PAM: variants seen among roughly 807,000 people sequenced by gnomAD.
PAM encodes peptidylglycine alpha-amidating monooxygenase, also known as peptidyl-glycine alpha-amidating monooxygenase.
In PAM, 72 loss-of-function variants were observed where a neutral mutation model predicts 122.1. The observed-to-expected ratio is 0.59, with a 90% CI of 0.49 to 0.72. The LOEUF is 0.72. PAM is among the 30% of genes least tolerant of loss of function. The pLI, the probability that PAM is intolerant of heterozygous loss-of-function variation, is 0.00. For missense variants in PAM, 1,106 were observed against 1,183.7 expected (o/e 0.93, Z 0.96); for synonymous variants, 389 against 404.4 (o/e 0.96, Z 0.46).
At chr5:102,969,458 A>G (rs982867028) in intron 14 of PAM, among the ~76,000 whole-genome samples, 1 of 152,116 alleles carries the variant, frequency 6.6e-6, no homozygotes, top group Non-Finnish European at 1.5e-5. Flanking sequence ...TTTGTCATCC[A>G]GAGCAGAGAT....
At position 103,014,779 on chromosome 5, in the gene PAM, G is replaced by A. The variant is rs1435511021; in HGVS notation, c.2332-2555G>A. On this transcript the variant is annotated intron_variant, in intron 21 of 25. Transcript: ENST00000438793. ...GAAGCTTAGACAGTAGGACAATAAAGAAAATGGTTCTATCAAATGCTATCA... is the reference window on the plus strand; with the variant it reads ...GAAGCTTAGACAGTAGGACAATAAAAAAAATGGTTCTATCAAATGCTATCA... Among the ~76,000 whole-genome samples, 4 of 152,232 alleles carry A rather than the reference G, an allele frequency of 2.6e-5. No homozygotes were observed. The East Asian group carries it at 7.7e-4, about 29-fold the overall frequency.
intron 1 of PAM, among the ~76,000 whole-genome samples, chr5:102,762,077 T>G (rs145810901): frequency 6.6e-6 from 1 of 152,226 alleles, no homozygotes; most frequent in African/African-American, 2.4e-5. Context: ...AAATGTCTTT[T>G]TCTTTTAATT....
At chr5:103,007,350 C>A in intron 19 of PAM, 107 bp from the exon 20 acceptor site, 2 of 851,010 alleles carry the variant, frequency 2.4e-6, no homozygotes, top group South Asian at 1.5e-5. Flanking sequence ...TTTCCCCTGG[C>A]TCCAGGCATT....
intron 1 of PAM, among the ~76,000 whole-genome samples, chr5:102,848,531 C>A (rs1780532571): frequency 6.6e-6 from 1 of 152,212 alleles, no homozygotes; most frequent in South Asian, 2.1e-4. Context: ...TCCTCCAGAG[C>A]AGCACCAGAC....
At chr5:102,963,611 A>C (rs970553844) in intron 14 of PAM, among the ~76,000 whole-genome samples, 1 of 151,908 alleles carries the variant, frequency 6.6e-6, no homozygotes, top group Non-Finnish European at 1.5e-5. Context: ...GCCACAAGCT[A>C]ACAGACACCA....
intron 15 of PAM, among the ~76,000 whole-genome samples, chr5:102,977,132 G>A (rs562979802): frequency 2.0e-5 from 3 of 152,256 alleles, no homozygotes; most frequent in South Asian, 4.1e-4. Flanking sequence ...GGGTTCAAAG[G>A]TGAAATTAAT....
chr5:102,822,644 C>T lies in PAM; in HGVS notation c.-373-43179C>T, dbSNP rs112849295. Among the ~76,000 whole-genome samples, 341 of 152,138 alleles carry T rather than the reference C, an allele frequency of 2.2e-3. 1 individual carries two copies. The highest frequency in any genetic ancestry group is 7.6e-3 in the African/African-American group (317 of 41,518). On this transcript the variant is annotated intron_variant, in intron 1 of 25. Coordinates refer to ENST00000438793, the MANE Select transcript of PAM (RefSeq NM_001177306.2). ...CTGCTATACTCTGGTGTTATTAAAA[C>T]AGACCCAGTTCCCAGAACTGCCCTA...
At chr5:102,914,091 G>C in intron 5 of PAM, 70 bp downstream of exon 5, 2 of 804,036 alleles carry the variant, frequency 2.5e-6, no homozygotes, top group South Asian at 2.9e-5. Context: ...GTGTATCTGT[G>C]CAAGTATTTT....
At chr5:102,864,328 G>A (rs1433713944) in intron 1 of PAM, among the ~76,000 whole-genome samples, 1 of 151,834 alleles carries the variant, frequency 6.6e-6, no homozygotes, top group Admixed American at 6.6e-5. Context: ...TTTACCCACA[G>A]GATAAGGATA....
chr5:102,976,513 T>C (rs1767727174), intron 15 of PAM, among the ~76,000 whole-genome samples: 2 of 152,062 alleles, frequency 1.3e-5, no homozygotes, highest in Admixed American at 1.3e-4. Flanking sequence ...GAGAATAAAT[T>C]TGATGGATAA....
At chr5:102,839,837 CATT>C (rs566040368) in intron 1 of PAM, among the ~76,000 whole-genome samples, 23 of 152,144 alleles carry the variant, frequency 1.5e-4, no homozygotes, top group East Asian at 9.7e-4. Flanking sequence ...AGTGTCCTGT[CATT>C]ATAAAAACTC....
chr5:102,950,416 GGTGTGT>G (rs1554134180), intron 11 of PAM, among the ~76,000 whole-genome samples: 18 of 145,964 alleles, frequency 1.2e-4, no homozygotes, highest in African/African-American at 4.6e-4. Flanking sequence ...TATGTGGGTG[GGTGTGT>G]GTGTGTGTGT....
chr5:102,819,337 G>T (rs1580523280), intron 1 of PAM, among the ~76,000 whole-genome samples: 2 of 152,078 alleles, frequency 1.3e-5, no homozygotes, highest in East Asian at 3.9e-4. Flanking sequence ...GTGAAAATGA[G>T]CAGGGTGTCA....
chr5:102,829,803 T>C (rs2150413298), intron 1 of PAM, among the ~76,000 whole-genome samples: 1 of 152,324 alleles, frequency 6.6e-6, no homozygotes, highest in South Asian at 2.1e-4. Context: ...GAAAGAATGG[T>C]TTATCTTTCT....
intron 4 of PAM, among the ~76,000 whole-genome samples, chr5:102,901,684 A>G (rs1797945055): frequency 6.6e-6 from 1 of 151,560 alleles, no homozygotes; most frequent in Admixed American, 6.6e-5. Context: ...CCATTTGTAT[A>G]GTATTGGCTT....
At chr5:102,976,518 G>A (rs572786005) in intron 15 of PAM, among the ~76,000 whole-genome samples, 1 of 151,990 alleles carries the variant, frequency 6.6e-6, no homozygotes, top group South Asian at 2.1e-4. Flanking sequence ...TAAATTTGAT[G>A]GATAATTTTC....
At chr5:102,832,773 G>A (rs1209199793) in intron 1 of PAM, among the ~76,000 whole-genome samples, 1 of 152,082 alleles carries the variant, frequency 6.6e-6, no homozygotes, top group Admixed American at 6.6e-5. Flanking sequence ...ATATTCACAT[G>A]AAATGTGATA....
chr5:102,919,232 G>A (rs778189793), intron 5 of PAM, among the ~76,000 whole-genome samples: 25 of 152,010 alleles, frequency 1.6e-4, no homozygotes, highest in Admixed American at 1.6e-3. Flanking sequence ...TACAGCTGCT[G>A]ATGAGAAGAA....
At chr5:102,757,115 C>T (rs1467713490) in intron 1 of PAM, among the ~76,000 whole-genome samples, 1 of 152,138 alleles carries the variant, frequency 6.6e-6, no homozygotes, top group Non-Finnish European at 1.5e-5. Context: ...ATCACAAGGT[C>T]AGAAGTTCCG....
Sources: gnomAD v4.1 joint callset for allele counts (sites outside exome capture counted in the v4.1 genomes callset) on GRCh38, gnomAD v4.1.1 for gene constraint, MANE v1.5 for transcripts, NCBI Gene and HGNC (gene_info 2026-07-23, HGNC 2026-07-21) for gene names.